The following ZNF536 variants were observed in gnomAD, a reference collection of about 807,000 sequenced individuals.
ZNF536 encodes zinc finger protein 536.
ZNF536 carries 13 observed loss-of-function variants against 84.5 expected under a neutral mutation model. That is an observed-to-expected ratio of 0.15 (90% CI 0.10 to 0.24). The LOEUF (loss-of-function observed/expected upper bound fraction) is 0.24. ZNF536 is among the 10% of genes least tolerant of loss of function. The pLI is 1.00. For missense variants in ZNF536, 1,536 were observed against 1,747.5 expected, an observed-to-expected ratio of 0.88 and a Z score of 2.16; for synonymous variants, 811 against 742.5, an observed-to-expected ratio of 1.09 and a Z score of -1.50.
intron 1 of ZNF536, among the ~76,000 whole-genome samples, chr19:30,642,868 G>A (rs1278216292): frequency 6.6e-6 from 1 of 152,304 alleles, no homozygotes; most frequent in Non-Finnish European, 1.5e-5. Context: ...GAAAGAGGCT[G>A]TGTGGGGGGT....
At chr19:30,374,827 C>A (rs1032720087) in intron 1 of ZNF536, among the ~76,000 whole-genome samples, 1 of 151,730 alleles carries the variant, frequency 6.6e-6, no homozygotes, top group Non-Finnish European at 1.5e-5. Flanking sequence ...GATTGCGAGC[C>A]CCCGCGGGTC....
chr19:30,552,033 G>GTT, intron 4 of ZNF536, among the ~76,000 whole-genome samples: 1 of 149,340 alleles, frequency 6.7e-6, no homozygotes, highest in African/African-American at 2.4e-5. Context: ...CAAATGGGCT[G>GTT]TTTTTTTTTT....
chr19:30,418,844 G>T (rs1408190112), intron 1 of ZNF536, among the ~76,000 whole-genome samples: 1 of 151,672 alleles, frequency 6.6e-6, no homozygotes, highest in East Asian at 1.9e-4. Context: ...CATAATTCTG[G>T]TGCAGACTAG....
intron 4 of ZNF536, 48 bp from the exon 5 acceptor site, chr19:30,557,109 C>T (rs758990847): frequency 2.5e-6 from 4 of 1,610,962 alleles, no homozygotes; most frequent in South Asian, 1.1e-5. Flanking sequence ...ATGCCTCTAG[C>T]CCTGATGGTT....
At chr19:30,456,402 C>G (rs2052847872) in intron 2 of ZNF536, among the ~76,000 whole-genome samples, 1 of 150,700 alleles carries the variant, frequency 6.6e-6, no homozygotes. Flanking sequence ...ATCTTCTGCA[C>G]CATTATTTCC....
intron 3 of ZNF536, among the ~76,000 whole-genome samples, chr19:30,545,327 C>G (rs1325265686): frequency 6.6e-6 from 1 of 151,026 alleles, no homozygotes; most frequent in Admixed American, 6.6e-5. Context: ...TGTCTTACCA[C>G]ACTCCCCTGG....
chr19:30,666,974 C>T (rs1372578550), intron 1 of ZNF536, among the ~76,000 whole-genome samples: 6 of 152,084 alleles, frequency 3.9e-5, no homozygotes, highest in Admixed American at 3.9e-4. Flanking sequence ...CTCATGTCTC[C>T]TGGGCCACAG....
rs2052229091 is a variant in ZNF536 at position 30,444,668 on chromosome 19, A to G, written c.1106A>G (p.Asp369Gly). ...FLKGHMRKHK[D>G]SFEHCCQICG... ...AAGGGTCACATGCGCAAGCACAAAGACTCCTTTGAGCACTGCTGCCAGATC... is the reference window on the plus strand; with the variant it reads ...AAGGGTCACATGCGCAAGCACAAAGGCTCCTTTGAGCACTGCTGCCAGATC... Residue 369 changes from aspartate (D) to glycine (G), a missense_variant, in exon 2 of 5, where the codon GAC (aspartate) becomes GGC (glycine). Asp to Gly is a moderately conservative substitution (Grantham distance 94). Around this residue, in one of 8 missense-constraint regions of ZNF536, gnomAD observed 25 missense variants for 78.9 expected, o/e 0.32. Coordinates refer to ENST00000355537, the MANE Select transcript of ZNF536 (RefSeq NM_014717.3). The G allele has an allele frequency of 6.2e-7, 1 of 1,613,564 alleles. No homozygotes were observed.
At chr19:30,397,625 T>C (rs1600554948) in intron 1 of ZNF536, among the ~76,000 whole-genome samples, 2 of 152,362 alleles carry the variant, frequency 1.3e-5, no homozygotes, top group East Asian at 3.9e-4. Flanking sequence ...TCCACCATAC[T>C]CCTTACAGTT....
chr19:30,621,259 C>A (rs985879131), intron 1 of ZNF536, among the ~76,000 whole-genome samples: 1 of 151,746 alleles, frequency 6.6e-6, no homozygotes, highest in Non-Finnish European at 1.5e-5. Context: ...GACTTTTTTT[C>A]CCCTTTTAAG....
intron 1 of ZNF536, among the ~76,000 whole-genome samples, chr19:30,651,258 G>A (rs1193795943): frequency 1.3e-5 from 2 of 152,172 alleles, no homozygotes; most frequent in African/African-American, 4.8e-5. Context: ...GTATTTCCTA[G>A]AACCAGGTAG....
At chr19:30,578,901 G>A (rs182221757) in intron 1 of ZNF536, among the ~76,000 whole-genome samples, 2 of 152,314 alleles carry the variant, frequency 1.3e-5, no homozygotes, top group African/African-American at 4.8e-5. Context: ...CAGAGTACAA[G>A]CTTTGGCATC....
chr19:30,601,982 T>C (rs1405901674), intron 1 of ZNF536, among the ~76,000 whole-genome samples: 1 of 152,214 alleles, frequency 6.6e-6, no homozygotes, highest in Non-Finnish European at 1.5e-5. Flanking sequence ...CTCCCCACAG[T>C]CATTGGGAAG....
At chr19:30,267,916 G>C (rs1033759338) in intron 1 of ZNF536, among the ~76,000 whole-genome samples, 5 of 152,114 alleles carry the variant, frequency 3.3e-5, no homozygotes, top group Non-Finnish European at 7.3e-5. Context: ...AAGAGAGAGA[G>C]AGAGATCTGC....
intron 1 of ZNF536, among the ~76,000 whole-genome samples, chr19:30,409,712 T>G (rs1171221395): frequency 2.6e-5 from 4 of 152,274 alleles, no homozygotes; most frequent in Admixed American, 2.6e-4. Context: ...ATACAAATTA[T>G]GACCCTGTCC....
chr19:30,547,814 AAC>A, intron 3 of ZNF536, 127 bp from the exon 4 acceptor site: 1 of 1,074,830 alleles, frequency 9.3e-7, no homozygotes, highest in South Asian at 2.0e-5. Flanking sequence ...TCTATTAAAA[AAC>A]AGTTGTTCTC....
At chr19:30,569,884 A>G (rs568192235) in intron 1 of ZNF536, among the ~76,000 whole-genome samples, 235 of 150,346 alleles carry the variant, frequency 1.6e-3, no homozygotes, top group Non-Finnish European at 2.6e-3. Flanking sequence ...GCATTCTTGA[A>G]CCCTCTGTCC....
chr19:30,461,327 A>G (rs1002394842), intron 2 of ZNF536, among the ~76,000 whole-genome samples: 3 of 152,212 alleles, frequency 2.0e-5, no homozygotes, highest in African/African-American at 7.2e-5. Context: ...TAAATGCAGC[A>G]GAAGGCAGAA....
chr19:30,577,866 T>C (rs2046793025), intron 1 of ZNF536, among the ~76,000 whole-genome samples: 1 of 152,242 alleles, frequency 6.6e-6, no homozygotes, highest in African/African-American at 2.4e-5. Context: ...TGCACTACTT[T>C]TCAAAGGCCA....
Sources: gnomAD v4.1 joint callset for allele counts (sites outside exome capture counted in the v4.1 genomes callset) on GRCh38, gnomAD v4.1.1 for gene constraint, gnomAD v4.1.1 regional missense constraint, MANE v1.5 for transcripts, NCBI Gene and HGNC (gene_info 2026-07-23, HGNC 2026-07-21) for gene names.